DCC: variants seen among roughly 807,000 people sequenced by gnomAD.
The protein encoded by DCC is DCC netrin 1 receptor, also known as netrin receptor DCC.
DCC carries 58 observed loss-of-function variants against 172.5 expected under a neutral mutation model. The ratio of observed to expected loss-of-function variants is 0.34; its 90% CI spans 0.27 to 0.42. DCC has a LOEUF of 0.42. DCC is among the 10% of genes least tolerant of loss of function. DCC has a pLI of 1.00. For missense variants in DCC, 1,740 were observed against 1,791.0 expected (o/e 0.97, Z 0.51); for synonymous variants, 709 against 644.5 (o/e 1.10, Z -1.52).
intron 14 of DCC, among the ~76,000 whole-genome samples, chr18:53,324,753 A>G (rs1377257904): frequency 6.6e-6 from 1 of 152,148 alleles, no homozygotes; most frequent in Non-Finnish European, 1.5e-5. Context: ...AACTATATAA[A>G]TAGTTATTTT....
chr18:52,573,460 C>CT (rs1452506974), intron 1 of DCC, among the ~76,000 whole-genome samples: 1 of 152,108 alleles, frequency 6.6e-6, no homozygotes, highest in Non-Finnish European at 1.5e-5. Context: ...TTAATATATG[C>CT]TTTTTTATTA....
At chr18:53,091,256 A>G (rs2043004601) in intron 7 of DCC, among the ~76,000 whole-genome samples, 1 of 151,278 alleles carries the variant, frequency 6.6e-6, no homozygotes, top group Non-Finnish European at 1.5e-5. Context: ...ATCTCTCTCA[A>G]ACCCTGGGCG....
At chr18:53,359,626 C>T (rs1014926948) in intron 15 of DCC, among the ~76,000 whole-genome samples, 1 of 152,036 alleles carries the variant, frequency 6.6e-6, no homozygotes, top group African/African-American at 2.4e-5. Context: ...TTGTTAAATG[C>T]CTCTTCCCCT....
intron 12 of DCC, among the ~76,000 whole-genome samples, chr18:53,229,312 C>CT (rs1263762353): frequency 1.3e-5 from 2 of 152,098 alleles, no homozygotes; most frequent in Non-Finnish European, 2.9e-5. Flanking sequence ...GTTGTACTGT[C>CT]TTGCAAGAAT....
intron 12 of DCC, among the ~76,000 whole-genome samples, chr18:53,291,336 G>T (rs185651964): frequency 6.6e-6 from 1 of 151,946 alleles, no homozygotes; most frequent in Non-Finnish European, 1.5e-5. Context: ...AATACCTTGC[G>T]ATCTCAGTGG....
At chr18:53,443,419 A>G (rs927974670) in intron 22 of DCC, among the ~76,000 whole-genome samples, 1 of 152,196 alleles carries the variant, frequency 6.6e-6, no homozygotes, top group African/African-American at 2.4e-5. Flanking sequence ...CACTGTAGAG[A>G]CCTATTGCTT....
chr18:53,216,274 C>T (rs909298146), intron 12 of DCC, among the ~76,000 whole-genome samples: 1 of 152,138 alleles, frequency 6.6e-6, no homozygotes, highest in Non-Finnish European at 1.5e-5. Context: ...TAGAGTATAA[C>T]AAATGAGGAT....
At chr18:53,109,924 T>A (rs1316016281) in intron 7 of DCC, among the ~76,000 whole-genome samples, 2 of 151,558 alleles carry the variant, frequency 1.3e-5, no homozygotes, top group African/African-American at 4.8e-5. Context: ...TCTAAGAAAA[T>A]CAGCATTGAA....
In DCC at chr18:52,433,846, A is replaced by G. The variant is rs1055924961; in HGVS notation, c.91+92968A>G. Among the ~76,000 whole-genome samples the G allele has an allele frequency of 2.0e-5, 3 of 152,316 alleles. No homozygotes were observed. The East Asian group carries it at 5.8e-4, about 29-fold the overall frequency. On this transcript the variant is annotated intron_variant, in intron 1 of 28. Transcript: ENST00000442544. Reference sequence around the variant, plus strand: ...AGGTTTCTTGCAAATTTTAGGATTCATCTTTTAATAATAATTACATGCAGA... The same window carrying G: ...AGGTTTCTTGCAAATTTTAGGATTCGTCTTTTAATAATAATTACATGCAGA...
chr18:53,114,421 T>A (rs975589450), intron 7 of DCC, among the ~76,000 whole-genome samples: 3 of 151,720 alleles, frequency 2.0e-5, no homozygotes, highest in Middle Eastern at 3.4e-3. Context: ...TTAAGAGAAA[T>A]CACATAAAAA....
intron 7 of DCC, among the ~76,000 whole-genome samples, chr18:53,073,566 A>G (rs1446950452): frequency 6.6e-6 from 1 of 152,128 alleles, no homozygotes; most frequent in African/African-American, 2.4e-5. Context: ...AAAAAAATAA[A>G]TGCTGGTTTT....
intron 1 of DCC, among the ~76,000 whole-genome samples, chr18:52,527,583 T>C (rs1381049410): frequency 6.6e-6 from 1 of 152,232 alleles, no homozygotes; most frequent in Non-Finnish European, 1.5e-5. Context: ...AGCTTATTAA[T>C]GTTTACATAT....
chr18:53,116,874 C>G (rs879610667), intron 7 of DCC, among the ~76,000 whole-genome samples: 1 of 151,616 alleles, frequency 6.6e-6, no homozygotes, highest in Admixed American at 6.6e-5. Flanking sequence ...TATGTCTAGA[C>G]TAAAGGGCAG....
chr18:52,698,764 A>ATTTTTTTTTTTTTTTTTTTTT (rs34646550), intron 1 of DCC, among the ~76,000 whole-genome samples: 1 of 134,182 alleles, frequency 7.5e-6, no homozygotes. Flanking sequence ...ACGCCTGGCT[A>ATTTTTTTTTTTTTTTTTTTTT]TTTTTTTTTT....
chr18:52,821,889 A>C (rs1025550026), intron 2 of DCC, among the ~76,000 whole-genome samples: 1 of 152,228 alleles, frequency 6.6e-6, no homozygotes, highest in Non-Finnish European at 1.5e-5. Context: ...TCATTTAAAC[A>C]GTCATGTATT....
At chr18:53,202,185 G>A (rs1279133835) in intron 9 of DCC, among the ~76,000 whole-genome samples, 1 of 152,084 alleles carries the variant, frequency 6.6e-6, no homozygotes, top group Admixed American at 6.6e-5. Flanking sequence ...AACCTTGAAG[G>A]AATGTCTTTT....
intron 1 of DCC, among the ~76,000 whole-genome samples, chr18:52,704,564 G>A (rs2036175436): frequency 6.6e-6 from 1 of 152,192 alleles, no homozygotes; most frequent in African/African-American, 2.4e-5. Context: ...CCACTGAAGA[G>A]CATTAGCTTT....
intron 12 of DCC, among the ~76,000 whole-genome samples, chr18:53,289,672 C>A (rs2056978815): frequency 1.3e-5 from 2 of 152,024 alleles, no homozygotes; most frequent in African/African-American, 4.8e-5. Context: ...AAAAAAAGAT[C>A]ATTAACAATC....
intron 1 of DCC, among the ~76,000 whole-genome samples, chr18:52,641,392 A>C (rs1010847884): frequency 1.3e-5 from 2 of 152,230 alleles, no homozygotes. Context: ...GAGTTTTTGC[A>C]CGGCAAAAGG....
Sources: allele counts gnomAD v4.1 joint callset (sites outside exome capture counted in the v4.1 genomes callset), GRCh38; gene constraint gnomAD v4.1.1; transcripts MANE v1.5; gene names NCBI Gene and HGNC (gene_info 2026-07-23, HGNC 2026-07-21).